Variants in B3GALT1 observed in about 807,000 individuals in gnomAD.
The protein encoded by B3GALT1 is beta-1,3-galactosyltransferase 1.
Under a neutral mutation model 23.2 loss-of-function variants are expected in B3GALT1, and 10 were observed. That is an observed-to-expected ratio of 0.43 (90% confidence interval 0.27 to 0.73). B3GALT1 has a LOEUF of 0.73. Among genes scored for constraint, B3GALT1 ranks in the 30% least tolerant of loss-of-function variants. B3GALT1 has a pLI of 0.21. For missense variants in B3GALT1, 299 were observed against 405.4 expected, an observed-to-expected ratio of 0.74 and a Z score of 2.25; for synonymous variants, 156 against 141.5, an observed-to-expected ratio of 1.10 and a Z score of -0.73.
intron 1 of B3GALT1, among the ~76,000 whole-genome samples, chr2:167,441,037 C>G (rs1487293321): frequency 2.0e-5 from 3 of 152,066 alleles, no homozygotes; most frequent in African/African-American, 7.2e-5. Context: ...AGTTGCTAGA[C>G]TGGGTTTATT....
intron 1 of B3GALT1, among the ~76,000 whole-genome samples, chr2:167,311,291 G>T (rs985214487): frequency 2.0e-4 from 30 of 152,134 alleles, no homozygotes; most frequent in Non-Finnish European, 3.4e-4. Flanking sequence ...AAAATAGCTT[G>T]CAAAGCTGCG....
intron 2 of B3GALT1, among the ~76,000 whole-genome samples, chr2:167,529,817 C>A (rs1401159902): frequency 1.3e-5 from 2 of 151,942 alleles, no homozygotes; most frequent in African/African-American, 4.8e-5. Context: ...CCATTTCTCA[C>A]CTGAATTATT....
At chr2:167,599,240 T>C (rs1684832427) in intron 2 of B3GALT1, among the ~76,000 whole-genome samples, 2 of 152,196 alleles carry the variant, frequency 1.3e-5, no homozygotes, top group African/African-American at 4.8e-5. Flanking sequence ...CAATAATATT[T>C]TATGATGAAA....
At chr2:167,336,917 C>T (rs560110377) in intron 1 of B3GALT1, among the ~76,000 whole-genome samples, 26 of 152,232 alleles carry the variant, frequency 1.7e-4, no homozygotes, top group Non-Finnish European at 2.9e-4. Context: ...CAGTTGAGAT[C>T]GAGTTTTACC....
chr2:167,439,346 T>C (rs1698840727), intron 1 of B3GALT1, among the ~76,000 whole-genome samples: 1 of 152,194 alleles, frequency 6.6e-6, no homozygotes, highest in African/African-American at 2.4e-5. Context: ...CACATCAATA[T>C]TGTCAACTGT....
intron 1 of B3GALT1, among the ~76,000 whole-genome samples, chr2:167,360,301 TGATA>T (rs1166283608): frequency 1.3e-5 from 2 of 152,198 alleles, no homozygotes; most frequent in African/African-American, 4.8e-5. Flanking sequence ...CTTCTGCTAT[TGATA>T]GTAGTGGGGA....
intron 3 of B3GALT1, among the ~76,000 whole-genome samples, chr2:167,744,642 A>C (rs1364154957): frequency 6.6e-6 from 1 of 151,298 alleles, no homozygotes; most frequent in Non-Finnish European, 1.5e-5. Flanking sequence ...CCCAGGCTGG[A>C]GTGCAGTGGC....
chr2:167,475,233 CCT>C lies in B3GALT1; in HGVS notation c.-510-14939_-510-14938del, dbSNP rs566959535. Reference sequence around the variant, plus strand: ...TCCCTGTCCCATCTGGTACCTGAACCCTCTCTTTGTCCAGCATATCCACACTG... The same window carrying C: ...TCCCTGTCCCATCTGGTACCTGAACCCTCTTTGTCCAGCATATCCACACTG... On this transcript the variant is annotated intron_variant, in intron 1 of 4. Coordinates refer to ENST00000392690, the MANE Select transcript of B3GALT1 (RefSeq NM_020981.4). Among the ~76,000 whole-genome samples the C allele has an allele frequency of 1.4e-3, 217 of 152,172 alleles. 1 individual carries two copies. The highest frequency in any genetic ancestry group is 2.7e-3 in the Non-Finnish European group (181 of 68,008).
chr2:167,541,800 TA>T (rs1683537796), intron 2 of B3GALT1, among the ~76,000 whole-genome samples: 1 of 152,110 alleles, frequency 6.6e-6, no homozygotes, highest in African/African-American at 2.4e-5. Flanking sequence ...TATTCCTAAT[TA>T]ACCTGTTTTG....
chr2:167,814,172 A>ATTGT (rs1411873268), intron 3 of B3GALT1, among the ~76,000 whole-genome samples: 5 of 152,138 alleles, frequency 3.3e-5, no homozygotes, highest in African/African-American at 1.2e-4. Flanking sequence ...TATTCAGGAT[A>ATTGT]TTGTTTGATC....
rs185426731 is a variant in B3GALT1 at position 167,486,923 on chromosome 2, A to G, written c.-510-3254A>G. 1.3e-5 allele frequency among the ~76,000 whole-genome samples: 2 copies of G among 152,348 alleles called. 1 individual carries two copies. Among genetic ancestry groups the G allele is most frequent in the East Asian group, 3.9e-4 (2 of 5,186 alleles). On this transcript the variant is annotated intron_variant, in intron 1 of 4. Transcript: ENST00000392690. ...TTCTGTTATGTTAACTCCTTTAATT[A>G]TCAACCATTTGGCTGTAGAATAAAA...
rs552862597 is a variant in B3GALT1 at position 167,765,038 on chromosome 2, G to A, written c.-351-53634G>A. On this transcript the variant is annotated intron_variant, in intron 3 of 4. Coordinates refer to ENST00000392690, the MANE Select transcript of B3GALT1 (RefSeq NM_020981.4). ...CTTTACCCACCTGCATCAGAAAACC[G>A]TTCACGCTGGCATTTTGGAAGGAGT... 2.2e-4 allele frequency among the ~76,000 whole-genome samples: 34 copies of A among 152,240 alleles called. No individual in the cohort carries two copies. In the East Asian group the frequency reaches 4.0e-3, roughly 18 times the overall value.
At chr2:167,625,790 T>C (rs1389133198) in intron 2 of B3GALT1, among the ~76,000 whole-genome samples, 3 of 151,362 alleles carry the variant, frequency 2.0e-5, no homozygotes, top group Non-Finnish European at 4.4e-5. Context: ...GTAATGATTG[T>C]CCATTGACTG....
intron 3 of B3GALT1, among the ~76,000 whole-genome samples, chr2:167,754,206 C>A (rs1157587265): frequency 6.6e-6 from 1 of 152,104 alleles, no homozygotes. Flanking sequence ...TTCAGAAGCA[C>A]CCTAGTACTT....
intron 1 of B3GALT1, among the ~76,000 whole-genome samples, chr2:167,407,607 A>AAG (rs762813806): frequency 6.6e-6 from 1 of 152,100 alleles, no homozygotes. Flanking sequence ...CTAAGGACAA[A>AAG]AGAGAGAAGA....
intron 3 of B3GALT1, among the ~76,000 whole-genome samples, chr2:167,722,962 T>C (rs1446191824): frequency 2.0e-5 from 3 of 152,240 alleles, no homozygotes; most frequent in African/African-American, 7.2e-5. Flanking sequence ...ATTATTTTAT[T>C]GAAAGGTCTA....
chr2:167,406,221 A>G (rs1465814034), intron 1 of B3GALT1, among the ~76,000 whole-genome samples: 1 of 152,154 alleles, frequency 6.6e-6, no homozygotes, highest in South Asian at 2.1e-4. Context: ...AAAAGAAATT[A>G]TAGGGGAAAC....
chr2:167,359,806 G>T (rs1697471299), intron 1 of B3GALT1, among the ~76,000 whole-genome samples: 1 of 148,214 alleles, frequency 6.7e-6, no homozygotes, highest in African/African-American at 2.5e-5. Context: ...ATTAAACCAA[G>T]AAAACTAATT....
At chr2:167,515,456 T>A (rs751932026) in intron 2 of B3GALT1, among the ~76,000 whole-genome samples, 2 of 152,144 alleles carry the variant, frequency 1.3e-5, no homozygotes, top group Non-Finnish European at 2.9e-5. Flanking sequence ...ATAGTGTTAG[T>A]TAACACAGTC....
Sources: allele counts gnomAD v4.1 joint callset (sites outside exome capture counted in the v4.1 genomes callset), GRCh38; gene constraint gnomAD v4.1.1; transcripts MANE v1.5; gene names NCBI Gene and HGNC (gene_info 2026-07-23, HGNC 2026-07-21).